The following RTN4 variants were observed in gnomAD, a reference collection of about 807,000 sequenced individuals.
The protein encoded by RTN4 is reticulon-4.
In RTN4, 32 loss-of-function variants were observed where a neutral mutation model predicts 90.4. The observed-to-expected ratio is 0.35, with a 90% CI of 0.27 to 0.48. The LOEUF (loss-of-function observed/expected upper bound fraction) is 0.48. RTN4 is among the 20% of genes least tolerant of loss of function. RTN4 has a pLI of 0.99. For synonymous variants in RTN4, 629 were observed against 552.5 expected, an observed-to-expected ratio of 1.14 and a Z score of -1.94; for missense variants, 1,706 against 1,430.2, an observed-to-expected ratio of 1.19 and a Z score of -3.11.
chr2:55,055,174 G>T (rs1023143691), upstream of RTN4, among the ~76,000 whole-genome samples: 1 of 151,650 alleles, frequency 6.6e-6, no homozygotes, highest in African/African-American at 2.4e-5. Flanking sequence ...TTTCCCTGGA[G>T]AAATTTATTT....
intron 1 of RTN4, among the ~76,000 whole-genome samples, chr2:55,105,647 T>C (rs1431125541): frequency 6.6e-6 from 1 of 152,082 alleles, no homozygotes; most frequent in Non-Finnish European, 1.5e-5. Context: ...GTGGAGTGTG[T>C]TTATGATAGG....
chr2:55,124,260 A>C, the RTN4 span, among the ~76,000 whole-genome samples: 1 of 152,218 alleles, frequency 6.6e-6, no homozygotes, highest in Non-Finnish European at 1.5e-5. Flanking sequence ...TTGAGGCCCC[A>C]ACAACCAGTT....
chr2:55,016,027 A>T (rs1681009327), intron 3 of RTN4, among the ~76,000 whole-genome samples: 1 of 152,208 alleles, frequency 6.6e-6, no homozygotes. Flanking sequence ...ATTCAGGGAT[A>T]TGTAAGACAT....
intron 1 of RTN4, among the ~76,000 whole-genome samples, chr2:55,041,625 A>T (rs949948955): frequency 6.6e-6 from 1 of 152,078 alleles, no homozygotes; most frequent in Non-Finnish European, 1.5e-5. Context: ...AATAAAAGGT[A>T]TTGGAACAAA....
At chr2:55,134,474 C>T in the RTN4 span, among the ~76,000 whole-genome samples, 1 of 152,200 alleles carries the variant, frequency 6.6e-6, no homozygotes, top group African/African-American at 2.4e-5. Flanking sequence ...AGACTCACTC[C>T]ATCTCTCAGA....
intron 1 of RTN4, chr2:55,049,422 G>C: frequency 2.6e-6 from 1 of 383,616 alleles, no homozygotes; most frequent in Non-Finnish European, 5.0e-6. Context: ...CTGGCTCTCG[G>C]GTATATACCC....
At chr2:54,992,244 A>G (rs1392171195) in intron 3 of RTN4, among the ~76,000 whole-genome samples, 3 of 152,242 alleles carry the variant, frequency 2.0e-5, no homozygotes, top group Admixed American at 1.3e-4. Context: ...CACATCATTA[A>G]TAAGTGGCAG....
intron 2 of RTN4, among the ~76,000 whole-genome samples, chr2:55,061,048 C>T (rs560832841): frequency 6.7e-6 from 1 of 148,360 alleles, no homozygotes; most frequent in Admixed American, 7.0e-5. Context: ...TTTTAGTATG[C>T]ATATTTTAAA....
At chr2:55,089,895 C>T (rs1347364416) in intron 1 of RTN4, among the ~76,000 whole-genome samples, 1 of 152,186 alleles carries the variant, frequency 6.6e-6, no homozygotes, top group African/African-American at 2.4e-5. Context: ...TTCCCCATTA[C>T]TGAGATCACT....
intron 1 of RTN4, among the ~76,000 whole-genome samples, chr2:55,090,833 A>G (rs1048108512): frequency 3.9e-5 from 6 of 152,204 alleles, no homozygotes; most frequent in South Asian, 2.1e-4. Context: ...TTTCCACCTC[A>G]GTTACCAGCC....
intron 3 of RTN4, among the ~76,000 whole-genome samples, chr2:54,988,766 A>C (rs1404998445): frequency 6.6e-6 from 1 of 152,236 alleles, no homozygotes; most frequent in African/African-American, 2.4e-5. Context: ...ATGTTTATTA[A>C]TAGTAAGGAG....
chr2:55,097,481 A>G (rs1667765796), intron 1 of RTN4, among the ~76,000 whole-genome samples: 2 of 152,164 alleles, frequency 1.3e-5, no homozygotes, highest in East Asian at 1.9e-4. Flanking sequence ...AAACAAGAAG[A>G]AACTGGAGGC....
At chr2:55,060,084 C>T (rs1202043423) in intron 2 of RTN4, among the ~76,000 whole-genome samples, 2 of 152,048 alleles carry the variant, frequency 1.3e-5, no homozygotes, top group Non-Finnish European at 2.9e-5. Flanking sequence ...TTGCTATCTT[C>T]CCACAGCAGT....
chr2:54,973,261 C>A, intron 8 of RTN4, 63 bp from the exon 9 acceptor site: 1 of 1,294,096 alleles, frequency 7.7e-7, no homozygotes, highest in South Asian at 1.2e-5. Context: ...ATACCATCTT[C>A]CAAGAACTAC....
At chr2:54,975,437 C>A (rs1367099376) in intron 5 of RTN4, among the ~76,000 whole-genome samples, 1 of 152,132 alleles carries the variant, frequency 6.6e-6, no homozygotes, top group Non-Finnish European at 1.5e-5. Context: ...TTATGTAACA[C>A]TATAAATGAA....
At chr2:54,991,272 T>G (rs1244694786) in intron 3 of RTN4, among the ~76,000 whole-genome samples, 1 of 152,212 alleles carries the variant, frequency 6.6e-6, no homozygotes, top group East Asian at 1.9e-4. Context: ...GACTTTAGAT[T>G]TGAGAGGTTT....
chr2:55,130,849 G>A, the RTN4 span, among the ~76,000 whole-genome samples: 2 of 152,122 alleles, frequency 1.3e-5, no homozygotes, highest in South Asian at 2.1e-4. Context: ...ATGAAGGGAG[G>A]TGGCTTGCAA....
At chr2:55,076,638 G>A (rs1245026033) in intron 2 of RTN4, among the ~76,000 whole-genome samples, 1 of 152,038 alleles carries the variant, frequency 6.6e-6, no homozygotes, top group East Asian at 1.9e-4. Flanking sequence ...GACCTCAGAT[G>A]ATCTGCCTGC....
rs1168659439 is a variant in RTN4, at chr2:54,977,034, T to C, written c.3361-2270A>G. Among the ~76,000 whole-genome samples, 3 of 152,236 alleles carry C rather than the reference T, an allele frequency of 2.0e-5. 1 individual carries two copies. Among genetic ancestry groups the C allele is most frequent in the South Asian group, 4.1e-4 (2 of 4,832 alleles). ...CAATAAGAGAATTAAATTCACTGTGTATAACACACCTGATTAAAGAGCTCT... is the reference window on the plus strand; with the variant it reads ...CAATAAGAGAATTAAATTCACTGTGCATAACACACCTGATTAAAGAGCTCT... On this transcript the variant is annotated intron_variant, in intron 5 of 8. Transcript: ENST00000337526.
Sources: allele counts gnomAD v4.1 joint callset (sites outside exome capture counted in the v4.1 genomes callset), GRCh38; gene constraint gnomAD v4.1.1; transcripts MANE v1.5; gene names NCBI Gene and HGNC (gene_info 2026-07-23, HGNC 2026-07-21).